Variants in GDF3 observed in about 807,000 individuals in gnomAD.
GDF3 encodes the protein growth differentiation factor 3.
GDF3 carries 10 observed loss-of-function variants against 10.2 expected under a neutral mutation model. The ratio of observed to expected loss-of-function variants is 0.98; its 90% CI spans 0.60 to 1.66. The LOEUF is 1.66. Among genes scored for constraint, GDF3 ranks in the 40% most tolerant of loss-of-function variants. The pLI, the probability that GDF3 is intolerant of heterozygous loss-of-function variation, is 0.00. For synonymous variants in GDF3, 166 were observed against 178.5 expected (o/e 0.93, Z 0.56); for missense variants, 450 against 438.3 (o/e 1.03, Z -0.24).
At chr12:7,694,982 G>A (rs1864166849) in intron 1 of GDF3, among the ~76,000 whole-genome samples, 1 of 152,028 alleles carries the variant, frequency 6.6e-6, no homozygotes, top group Admixed American at 6.6e-5. Context: ...AATAACCTTT[G>A]CCACCCAACA....
In GDF3 at chr12:7,695,575, T is replaced by C; in HGVS notation, c.154A>G (p.Lys52Glu). The C allele has an allele frequency of 6.2e-7, 1 of 1,614,148 alleles. No individual in the cohort carries two copies. Among genetic ancestry groups the C allele is most frequent in the Non-Finnish European group, 8.5e-7 (1 of 1,180,028 alleles). The change falls in exon 1 of 2, where the codon AAG (lysine) becomes GAG (glutamate). Residue 52 changes from lysine (K) to glutamate (E), a missense_variant. Transcript: ENST00000329913. Reference protein sequence around the residue: ...QKFQPVPYILKKIFQDREAAA... With the variant: ...QKFQPVPYILEKIFQDREAAA... ...GCCTCGCGATCCTGGAAAATTTTCTTCAAGATATAAGGCACAGGTTGGAAC... is the reference window on the plus strand; with the variant it reads ...GCCTCGCGATCCTGGAAAATTTTCTCCAAGATATAAGGCACAGGTTGGAAC...
At chr12:7,691,463 T>C (rs969329071) in intron 1 of GDF3, among the ~76,000 whole-genome samples, 4 of 151,662 alleles carry the variant, frequency 2.6e-5, no homozygotes, top group South Asian at 2.1e-4. Flanking sequence ...TCCCAGCACG[T>C]TGGGAGGCTG....
chr12:7,692,868 C>T (rs1039036790), intron 1 of GDF3, among the ~76,000 whole-genome samples: 1 of 151,806 alleles, frequency 6.6e-6, no homozygotes, highest in Non-Finnish European at 1.5e-5. Flanking sequence ...ATCGAGAACT[C>T]CTGAGCTCAA....
In GDF3 at chr12:7,690,904, C is replaced by G. The variant is rs767522929; in HGVS notation, c.269-200G>C. Among the ~76,000 whole-genome samples, 73 of 152,132 alleles carry G rather than the reference C, an allele frequency of 4.8e-4. 1 individual carries two copies. The highest frequency in any genetic ancestry group is 1.8e-4 in the Non-Finnish European group (12 of 68,028). On this transcript the variant is annotated intron_variant, in intron 1 of 1. Transcript: ENST00000329913. The stretch of plus-strand genomic sequence containing the variant: ...CGGCGGCTCACGCCTGTAATCCCAG[C>G]ACTTTGGGAGGCCGAGGCGGGCGGA...
rs1446367102 is a variant in GDF3, at chr12:7,691,145, G to A, written c.269-441C>T. Among the ~76,000 whole-genome samples the A allele has an allele frequency of 8.9e-5, 12 of 134,410 alleles. No homozygotes were observed. The East Asian group carries it at 1.6e-3, about 18-fold the overall frequency. 88.2% of individuals were successfully genotyped at this position (134,410 alleles called of 152,430 possible). A position where few individuals can be genotyped will look rare whatever the true frequency, so the allele number is the denominator to read the frequency against. ...AGCCTGGGTGACAGAGCAAGACTCC[G>A]TCTCAAAAAAAAAAAAAAAGAAAGC... On this transcript the variant is annotated intron_variant, in intron 1 of 1. Transcript: ENST00000329913.
At chr12:7,690,789 A>G in intron 1 of GDF3, 85 bp from the exon 2 acceptor site, 1 of 782,152 alleles carries the variant, frequency 1.3e-6, no homozygotes, top group South Asian at 1.5e-5. Context: ...AGACACCCAC[A>G]TATACAATAT....
At position 7,689,974 on chromosome 12, in the gene GDF3, C is replaced by T. The variant is rs764004567; in HGVS notation, c.999G>A (p.Lys333=). Residue 333 remains lysine (K), a synonymous_variant, in exon 2 of 2, where the codon AAG becomes AAA. Coordinates refer to ENST00000329913, the MANE Select transcript of GDF3 (RefSeq NM_020634.3). The part of the protein sequence containing the change: ...EIPQAVCIPT[K]LSPISMLYQD... The stretch of plus-strand genomic sequence containing the variant: ...GGTAGAGCATGGAAATGGGAGACAG[C>T]TTGGTGGGGATACACACAGCCTGGG... 2 of 1,613,832 alleles carry T rather than the reference C, an allele frequency of 1.2e-6. No individual in the cohort carries two copies. Among genetic ancestry groups the T allele is most frequent in the East Asian group, 2.2e-5 (1 of 44,886 alleles).
At chr12:7,694,338 G>A (rs958667012) in intron 1 of GDF3, among the ~76,000 whole-genome samples, 4 of 151,992 alleles carry the variant, frequency 2.6e-5, no homozygotes, top group East Asian at 1.9e-4. Context: ...TGAGGCAGGC[G>A]GATCACCTGA....
intron 1 of GDF3, among the ~76,000 whole-genome samples, chr12:7,691,246 G>A (rs1336553753): frequency 1.3e-5 from 2 of 151,798 alleles, no homozygotes; most frequent in Non-Finnish European, 2.9e-5. Flanking sequence ...GAACTTAGAT[G>A]GGAAAAATAA....
In GDF3 at chr12:7,689,843, C is replaced by G; in HGVS notation, c.*35G>C. The G allele has an allele frequency of 1.5e-6, 2 of 1,364,072 alleles. No homozygotes were observed. The highest frequency in any genetic ancestry group is 2.1e-6 in the Non-Finnish European group (2 of 952,744). The allele number at this position is 1,364,072 out of a possible 1,614,324, so 84.5% of individuals were successfully genotyped here. On this transcript the variant is annotated 3_prime_UTR_variant, in exon 2 of 2. Transcript: ENST00000329913. ...AGGTAGTTTTATTAAAAGATTTACC[C>G]TAAGAACACTCCTTCTATTCCCATT...
intron 1 of GDF3, among the ~76,000 whole-genome samples, chr12:7,692,143 A>G (rs1418258222): frequency 6.6e-6 from 1 of 151,332 alleles, no homozygotes; most frequent in Non-Finnish European, 1.5e-5. Context: ...GAAAGAGTCA[A>G]TAGACTGGGC....
chr12:7,695,747 C>A lies in GDF3; in HGVS notation c.-19G>T. On this transcript the variant is annotated 5_prime_UTR_variant, in exon 1 of 2. Coordinates refer to ENST00000329913, the MANE Select transcript of GDF3 (RefSeq NM_020634.3). ...GAAGCATGGCCTCTGGAGTGGCTGT[C>A]AGACCGGGGAGAGCTCCACTGCCAG... 1 of 1,613,762 alleles carries A rather than the reference C, an allele frequency of 6.2e-7. No homozygotes were observed. The highest frequency in any genetic ancestry group is 1.1e-5 in the South Asian group (1 of 90,976).
intron 1 of GDF3, among the ~76,000 whole-genome samples, chr12:7,694,977 C>A (rs1864166781): frequency 6.6e-6 from 1 of 152,088 alleles, no homozygotes; most frequent in African/African-American, 2.4e-5. Context: ...TCTAGAATAA[C>A]CTTTGCCACC....
chr12:7,693,602 T>C (rs1304677907), intron 1 of GDF3, among the ~76,000 whole-genome samples: 1 of 150,816 alleles, frequency 6.6e-6, no homozygotes, highest in Non-Finnish European at 1.5e-5. Context: ...ACCGAAACAC[T>C]CTTAAGCACC....
In GDF3 at chr12:7,690,458, A is replaced by G. The variant is rs1864115850; in HGVS notation, c.515T>C (p.Val172Ala). Reference protein sequence around the residue: ...KPGKMFVLRSVPWPQGAVHFN... With the variant: ...KPGKMFVLRSAPWPQGAVHFN... Reference sequence around the variant, plus strand: ...GTGAACAGCACCTTGTGGCCATGGGACTGACCGCAACACAAACATTTTACC... The same window carrying G: ...GTGAACAGCACCTTGTGGCCATGGGGCTGACCGCAACACAAACATTTTACC... Residue 172 changes from valine (V) to alanine (A), a missense_variant, in exon 2 of 2, where the codon GTC (valine) becomes GCC (alanine). Coordinates refer to ENST00000329913, the MANE Select transcript of GDF3 (RefSeq NM_020634.3). 6.2e-7 allele frequency: 1 copy of G among 1,613,926 alleles called. No homozygotes were observed.
rs773970500 is a variant in GDF3, at chr12:7,690,340, G to A, written c.633C>T (p.Asp211=). ...CTTCAGGCTGAAAATTCACCCCTGA[G>A]TCTCTATCTTCTTTGACCAGTATCT... is the stretch of plus-strand genomic sequence containing the variant. ...FLEILVKEDR[D]SGVNFQPEDT... The change falls in exon 2 of 2, where the codon GAC becomes GAT. Residue 211 remains aspartate (D), a synonymous_variant. Coordinates refer to ENST00000329913, the MANE Select transcript of GDF3 (RefSeq NM_020634.3). The A allele has an allele frequency of 1.9e-6, 3 of 1,614,026 alleles. No individual in the cohort carries two copies. The highest frequency in any genetic ancestry group is 2.2e-5 in the South Asian group (2 of 91,074).
chr12:7,695,647 CAT>C lies in GDF3; in HGVS notation c.80_81del (p.Tyr27CysfsTer10). ...TCTAAGCCCAGAAATTGGAGAAAGACATATTCTTGAAATTGGACTGCCTGGCC... is the reference window on the plus strand; with the variant it reads ...TCTAAGCCCAGAAATTGGAGAAAGACATTCTTGAAATTGGACTGCCTGGCC... Reference protein sequence around the residue: ...ALGQAVQFQEYVFLQFLGLDK... With the variant: ...ALGQAVQFQEXVFLQFLGLDK... On this transcript the variant is annotated frameshift_variant, in exon 1 of 2. Transcript: ENST00000329913. LOFTEE classifies it high-confidence loss of function. The C allele has an allele frequency of 6.2e-7, 1 of 1,614,134 alleles. No homozygotes were observed. The highest frequency in any genetic ancestry group is 2.2e-5 in the East Asian group (1 of 44,888).
At position 7,691,494 on chromosome 12, in the gene GDF3, G is replaced by A. The variant is rs534529106; in HGVS notation, c.269-790C>T. Among the ~76,000 whole-genome samples the A allele has an allele frequency of 2.7e-5, 4 of 150,338 alleles. No individual in the cohort carries two copies. In the South Asian group the frequency reaches 6.3e-4, roughly 24 times the overall value. ...GGCTGAGATGGGAGATTTGCTTGAGGCCAGGAGTTTGAGACCATCCTGGGC... is the reference window on the plus strand; with the variant it reads ...GGCTGAGATGGGAGATTTGCTTGAGACCAGGAGTTTGAGACCATCCTGGGC... On this transcript the variant is annotated intron_variant, in intron 1 of 1. Coordinates refer to ENST00000329913, the MANE Select transcript of GDF3 (RefSeq NM_020634.3).
At position 7,695,599 on chromosome 12, in the gene GDF3, A is replaced by C; in HGVS notation, c.130T>G (p.Phe44Val). The change falls in exon 1 of 2, where the codon TTC becomes GTC. Residue 44 changes from phenylalanine to valine, a missense_variant. Phe to Val is a conservative substitution (Grantham distance 50). Coordinates refer to ENST00000329913, the MANE Select transcript of GDF3 (RefSeq NM_020634.3). ...GLDKAPSPQK[F>V]QPVPYILKKI... is the part of the protein sequence containing the mutation. Reference sequence around the variant, plus strand: ...TTCAAGATATAAGGCACAGGTTGGAACTTCTGGGGTGAAGGCGCCTTATCT... The same window carrying C: ...TTCAAGATATAAGGCACAGGTTGGACCTTCTGGGGTGAAGGCGCCTTATCT... The C allele has an allele frequency of 6.2e-7, 1 of 1,614,158 alleles. No individual in the cohort carries two copies. Among genetic ancestry groups the C allele is most frequent in the Non-Finnish European group, 8.5e-7 (1 of 1,180,022 alleles).
Sources: gnomAD v4.1 joint callset for allele counts (sites outside exome capture counted in the v4.1 genomes callset) on GRCh38, gnomAD v4.1.1 for gene constraint, MANE v1.5 for transcripts, NCBI Gene and HGNC (gene_info 2026-07-23, HGNC 2026-07-21) for gene names.